ADGRD1: variants seen among roughly 807,000 people sequenced by gnomAD.
ADGRD1 encodes the protein G-protein coupled receptor 133.
ADGRD1 carries 77 observed loss-of-function variants against 113.4 expected under a neutral mutation model. That is an observed-to-expected ratio of 0.68 (90% CI 0.57 to 0.82). The LOEUF (loss-of-function observed/expected upper bound fraction) is 0.82. ADGRD1 is among the 40% of genes least tolerant of loss of function. ADGRD1 has a pLI of 0.00. For missense variants in ADGRD1, 1,036 were observed against 1,139.1 expected (o/e 0.91, Z 1.30); for synonymous variants, 474 against 475.0 (o/e 1.00, Z 0.03).
intron 15 of ADGRD1, among the ~76,000 whole-genome samples, chr12:131,101,698 CT>C (rs1194377431): frequency 6.6e-6 from 1 of 152,138 alleles, no homozygotes; most frequent in Non-Finnish European, 1.5e-5. Context: ...TGGTTTTTAA[CT>C]GAATTCAGTT....
At chr12:131,083,327 T>C (rs968922286) in intron 14 of ADGRD1, among the ~76,000 whole-genome samples, 1 of 151,338 alleles carries the variant, frequency 6.6e-6, no homozygotes, top group Non-Finnish European at 1.5e-5. Flanking sequence ...GAAGACAGGG[T>C]ACAGTGGCTC....
intron 13 of ADGRD1, among the ~76,000 whole-genome samples, chr12:131,016,567 G>A (rs117648272): frequency 0.024 from 3,624 of 152,372 alleles, 68 homozygotes; most frequent in Middle Eastern, 0.065. Flanking sequence ...TGAGGGTAGG[G>A]CAGTGCTGCC....
At chr12:130,964,941 C>T (rs183460260) in intron 2 of ADGRD1, among the ~76,000 whole-genome samples, 80 of 152,296 alleles carry the variant, frequency 5.3e-4, no homozygotes, top group Admixed American at 3.1e-3. Context: ...ATGTCCCCCA[C>T]AAAATTCTCT....
At chr12:130,961,986 C>T (rs746325616) in intron 2 of ADGRD1, among the ~76,000 whole-genome samples, 3 of 152,194 alleles carry the variant, frequency 2.0e-5, no homozygotes, top group Non-Finnish European at 2.9e-5. Context: ...CCTCTCCTGC[C>T]CTACGACTGC....
chr12:131,104,921 T>G lies in ADGRD1; in HGVS notation c.1762T>G (p.Phe588Val). The change falls in exon 16 of 25, where the codon TTC becomes GTC. Residue 588 changes from phenylalanine to valine, a missense_variant. By Grantham distance (50) the Phe-to-Val change is conservative. Coordinates refer to ENST00000261654, the MANE Select transcript of ADGRD1 (RefSeq NM_198827.5). ...VLCLVATLVT[F>V]AVLSSVSTIR... Reference sequence around the variant, plus strand: ...CTGCCTGGTGGCCACGCTGGTCACCTTCGCCGTGCTGTCGTGAGTCCCCTT... The same window carrying G: ...CTGCCTGGTGGCCACGCTGGTCACCGTCGCCGTGCTGTCGTGAGTCCCCTT... 2.6e-6 allele frequency: 4 copies of G among 1,549,444 alleles called. No individual in the cohort carries two copies. The highest frequency in any genetic ancestry group is 3.5e-6 in the Non-Finnish European group (4 of 1,145,582).
At chr12:131,120,352 A>G (rs1206248497) in intron 19 of ADGRD1, among the ~76,000 whole-genome samples, 2 of 151,764 alleles carry the variant, frequency 1.3e-5, no homozygotes, top group African/African-American at 2.4e-5. Context: ...CTCAAACTGG[A>G]CCCTCCTCTC....
chr12:131,086,405 C>T (rs1220489067), intron 15 of ADGRD1, among the ~76,000 whole-genome samples: 1 of 152,142 alleles, frequency 6.6e-6, no homozygotes, highest in Non-Finnish European at 1.5e-5. Context: ...GGGAAGGACA[C>T]GAGTCCACTG....
chr12:131,006,132 G>A (rs978103976), intron 12 of ADGRD1, 85 bp downstream of exon 12: 18 of 1,115,246 alleles, frequency 1.6e-5, no homozygotes, highest in African/African-American at 4.6e-5. Flanking sequence ...CGCCCCACAC[G>A]CACAACACTG....
chr12:131,124,963 C>G (rs1218250383), intron 20 of ADGRD1, among the ~76,000 whole-genome samples: 1 of 152,174 alleles, frequency 6.6e-6, no homozygotes, highest in African/African-American at 2.4e-5. Flanking sequence ...GCCAGAAGTC[C>G]AAGATCGAGG....
rs1025441462 is a variant in ADGRD1 at position 131,122,737 on chromosome 12, A to G, written c.2175+1824A>G. On this transcript the variant is annotated intron_variant, in intron 20 of 24. Coordinates refer to ENST00000261654, the MANE Select transcript of ADGRD1 (RefSeq NM_198827.5). ...TCTAGAACCGCAGGGCCTGGGCAGA[A>G]CAGGCCCCTGTGTCAGACACTGTCC... 1.4e-4 allele frequency among the ~76,000 whole-genome samples: 21 copies of G among 152,296 alleles called. No homozygotes were observed. In the South Asian group the frequency reaches 2.7e-3, roughly 20 times the overall value.
chr12:131,014,660 T>A (rs901476551), intron 13 of ADGRD1, among the ~76,000 whole-genome samples: 1 of 152,224 alleles, frequency 6.6e-6, no homozygotes, highest in African/African-American at 2.4e-5. Context: ...GGGGGGTACC[T>A]TGGCCATCCC....
chr12:131,083,289 C>T lies in ADGRD1; in HGVS notation c.1548-1251C>T, dbSNP rs969819786. Among the ~76,000 whole-genome samples, 3 of 145,856 alleles carry T rather than the reference C, an allele frequency of 2.1e-5. No homozygotes were observed. In the Admixed American group the frequency reaches 2.1e-4, roughly 10 times the overall value. ...AACTTCAGGGAAGAACCATTTAAAT[C>T]TTTTTTTTTTTTTAATTTGAAAATA... On this transcript the variant is annotated intron_variant, in intron 14 of 24. Coordinates refer to ENST00000261654, the MANE Select transcript of ADGRD1 (RefSeq NM_198827.5).
At chr12:130,972,333 T>C (rs1871769105) in intron 4 of ADGRD1, among the ~76,000 whole-genome samples, 1 of 152,212 alleles carries the variant, frequency 6.6e-6, no homozygotes, top group Non-Finnish European at 1.5e-5. Context: ...CAAAGCTTAA[T>C]GCAGTCCTCG....
chr12:130,986,054 G>A (rs1339179193), intron 5 of ADGRD1, among the ~76,000 whole-genome samples: 1 of 152,098 alleles, frequency 6.6e-6, no homozygotes, highest in Non-Finnish European at 1.5e-5. Context: ...ACACTGTCTT[G>A]ACTACTGTAA....
At chr12:131,051,392 A>G (rs752545285) in intron 13 of ADGRD1, among the ~76,000 whole-genome samples, 1 of 152,328 alleles carries the variant, frequency 6.6e-6, no homozygotes, top group Admixed American at 6.5e-5. Context: ...TCCTGTTTAA[A>G]CAAATTGGGA....
chr12:131,002,833 G>A, intron 9 of ADGRD1: 1 of 1,241,384 alleles, frequency 8.1e-7, no homozygotes, highest in Non-Finnish European at 1.0e-6. Flanking sequence ...GTGAAGCACA[G>A]GGAGGTAGGG....
chr12:130,961,659 C>T (rs962431527), intron 2 of ADGRD1, among the ~76,000 whole-genome samples: 8 of 152,088 alleles, frequency 5.3e-5, no homozygotes, highest in Non-Finnish European at 1.2e-4. Flanking sequence ...TGCCTTTTTC[C>T]CGAAAGAATG....
rs1473398475 is a variant in ADGRD1, at chr12:130,966,524, T to C, written c.165T>C (p.His55=). 14 of 1,609,176 alleles carry C rather than the reference T, an allele frequency of 8.7e-6. No individual in the cohort carries two copies. The highest frequency in any genetic ancestry group is 8.0e-5 in the African/African-American group (6 of 74,850). Residue 55 remains histidine, a synonymous_variant, in exon 3 of 25, where the codon CAT becomes CAC. Coordinates refer to ENST00000261654, the MANE Select transcript of ADGRD1 (RefSeq NM_198827.5). This position sits in a 1 kb window ranked among gnomAD's most constrained non-coding sequence, Gnocchi z 4.6. The part of the protein sequence containing the change: ...YWPLENVDGI[H]ELQDTTGDIV... ...CACTGGAGAATGTGGATGGGATCCA[T>C]GAACTTCAGGATACAACTGGAGGTA...
intron 15 of ADGRD1, among the ~76,000 whole-genome samples, chr12:131,087,761 C>T (rs940178741): frequency 1.3e-5 from 2 of 152,226 alleles, no homozygotes; most frequent in African/African-American, 2.4e-5. Context: ...CCCCTCTTCT[C>T]CTGGCCTGCA....
Sources: allele counts gnomAD v4.1 joint callset (sites outside exome capture counted in the v4.1 genomes callset), GRCh38; gene constraint gnomAD v4.1.1; non-coding constraint Gnocchi (gnomAD v3.1); transcripts MANE v1.5; gene names NCBI Gene and HGNC (gene_info 2026-07-23, HGNC 2026-07-21).